Variants in TRIM64B observed in about 807,000 individuals in gnomAD.
TRIM64B encodes the protein tripartite motif-containing protein 64B.
For missense variants in TRIM64B, 57 were observed against 536.4 expected (o/e 0.11, Z 8.83); for synonymous variants, 17 against 190.3 (o/e 0.09, Z 7.50).
intron 1 of TRIM64B, among the ~76,000 whole-genome samples, chr11:89,875,336 A>T (rs1950151947): frequency 6.6e-6 from 1 of 152,298 alleles, no homozygotes; most frequent in Admixed American, 6.5e-5. Context: ...GACTTTGAAA[A>T]GTGTTCTTGG....
upstream of TRIM64B, among the ~76,000 whole-genome samples, chr11:89,878,251 A>G: frequency 7.6e-6 from 1 of 131,784 alleles, no homozygotes; most frequent in Non-Finnish European, 1.6e-5. Context: ...GATTTTCTGT[A>G]AAATCACTAA....
At chr11:89,877,732 G>A (rs1216453965), upstream of TRIM64B, among the ~76,000 whole-genome samples, 1 of 149,212 alleles carries the variant, frequency 6.7e-6, no homozygotes, top group African/African-American at 2.4e-5. Context: ...CAATTCTCCT[G>A]CCGCAGCCTC....
At chr11:89,874,397 G>A (rs1156552285) in intron 2 of TRIM64B, 118 bp from the exon 4 acceptor site, 1 of 538,242 alleles carries the variant, frequency 1.9e-6, no homozygotes, top group Non-Finnish European at 3.0e-6. Context: ...CTCTTGCAAG[G>A]AGTCTTGAAT....
chr11:89,874,022 C>T, intron 3 of TRIM64B, 27 bp downstream of exon 4: 2 of 1,548,782 alleles, frequency 1.3e-6, no homozygotes, highest in African/African-American at 1.4e-5. Flanking sequence ...GGCTTCCTGT[C>T]TCTGAGGATG....
At chr11:89,870,869 C>A (rs201775005) in exon 6 of TRIM64B, 1 of 1,551,220 alleles carries the variant, frequency 6.4e-7, no homozygotes, top group Non-Finnish European at 8.7e-7. Context: ...GAATCAATAA[C>A]GAAATTGGCA....
At chr11:89,872,849 G>A (rs866070274) in intron 4 of TRIM64B, among the ~76,000 whole-genome samples, 55 of 151,768 alleles carry the variant, frequency 3.6e-4, no homozygotes, top group African/African-American at 5.4e-4. Context: ...GAGCAGGCCC[G>A]GGTCATTGAT....
intron 4 of TRIM64B, among the ~76,000 whole-genome samples, chr11:89,872,811 C>T (rs1346254502): frequency 6.6e-6 from 1 of 151,720 alleles, no homozygotes; most frequent in Non-Finnish European, 1.5e-5. Flanking sequence ...TCCCTGAGGT[C>T]TTTCCTAGAA....
chr11:89,872,648 C>A (rs1430767319), intron 4 of TRIM64B, among the ~76,000 whole-genome samples: 1 of 151,834 alleles, frequency 6.6e-6, no homozygotes, highest in East Asian at 1.9e-4. Context: ...CAGACAAAAA[C>A]CTTTGGGACC....
At chr11:89,877,869 G>A (rs1335083421), upstream of TRIM64B, among the ~76,000 whole-genome samples, 4 of 149,344 alleles carry the variant, frequency 2.7e-5, no homozygotes, top group Admixed American at 1.3e-4. Context: ...CGATCTGCCT[G>A]CCTTGGCCTC....
At chr11:89,872,667 C>A (rs1340608920) in intron 4 of TRIM64B, among the ~76,000 whole-genome samples, 1 of 151,830 alleles carries the variant, frequency 6.6e-6, no homozygotes, top group Non-Finnish European at 1.5e-5. Flanking sequence ...CCTCAGCCTG[C>A]AGTTGTCACT....
chr11:89,876,520 A>G (rs1470641650), upstream of TRIM64B, among the ~76,000 whole-genome samples: 1 of 149,536 alleles, frequency 6.7e-6, no homozygotes, highest in Non-Finnish European at 1.5e-5. Context: ...CAGGAGATCG[A>G]GACCATCCTG....
At chr11:89,872,497 T>G (rs1370179646) in intron 4 of TRIM64B, among the ~76,000 whole-genome samples, 185 bp from the exon 6 acceptor site, 1 of 151,424 alleles carries the variant, frequency 6.6e-6, no homozygotes, top group East Asian at 1.9e-4. Flanking sequence ...TTTGCTTCCA[T>G]AAAAACCCAA....
upstream of TRIM64B, among the ~76,000 whole-genome samples, chr11:89,876,233 G>A (rs1233515197): frequency 5.1e-5 from 7 of 136,552 alleles, no homozygotes; most frequent in Non-Finnish European, 1.1e-4. Flanking sequence ...TCGAAGATTC[G>A]GTCAAGGACT....
At chr11:89,877,784 T>C (rs1247667884), upstream of TRIM64B, among the ~76,000 whole-genome samples, 2 of 149,424 alleles carry the variant, frequency 1.3e-5, no homozygotes, top group Non-Finnish European at 3.0e-5. Flanking sequence ...CACGCCAGGA[T>C]GATTTTTTTG....
At chr11:89,876,514 A>C (rs1259351440), upstream of TRIM64B, among the ~76,000 whole-genome samples, 2 of 149,522 alleles carry the variant, frequency 1.3e-5, no homozygotes, top group Non-Finnish European at 3.0e-5. Flanking sequence ...CGAGGTCAGG[A>C]GATCGAGACC....
chr11:89,875,200 T>C, intron 1 of TRIM64B, 127 bp from the exon 3 acceptor site: 1 of 860,310 alleles, frequency 1.2e-6, no homozygotes, highest in South Asian at 1.7e-5. Flanking sequence ...GTCAGATTTT[T>C]CCAAGTTAAA....
chr11:89,872,674 C>T lies in TRIM64B; in HGVS notation c.759-362G>A, dbSNP rs563207895. Reference sequence around the variant, plus strand: ...CTTTGGGACCTCAGCCTGCAGTTGTCACTAATGCTAGTCAGTGTCTAACAG... The same window carrying T: ...CTTTGGGACCTCAGCCTGCAGTTGTTACTAATGCTAGTCAGTGTCTAACAG... On this transcript the variant is annotated intron_variant, in intron 4 of 5. Transcript: ENST00000329862. 1.3e-4 allele frequency among the ~76,000 whole-genome samples: 19 copies of T among 151,946 alleles called. No individual in the cohort carries two copies. In the South Asian group the frequency reaches 3.9e-3, roughly 31 times the overall value.
chr11:89,871,096 G>C (rs200143665), exon 6 of TRIM64B: 88,731 of 1,518,120 alleles, frequency 0.058, 1,787 homozygotes, highest in South Asian at 0.16. Context: ...AATCATTTCC[G>C]TGCTCAGAGC....
rs34678191 is a variant in TRIM64B, at chr11:89,872,922, CTTT to C, written c.758+343_758+345del. On this transcript the variant is annotated intron_variant, in intron 4 of 5. Coordinates refer to ENST00000329862, the Ensembl canonical transcript of TRIM64B. Reference sequence around the variant, plus strand: ...TAGGGAATCTCTCTCCTCCCTCTGTCTTTTTTTTTTTTTTTTTTTTAACCTCCC... The same window carrying C: ...TAGGGAATCTCTCTCCTCCCTCTGTCTTTTTTTTTTTTTTTTTAACCTCCC... Among the ~76,000 whole-genome samples, 1,134 of 135,816 alleles carry C rather than the reference CTTT, an allele frequency of 8.3e-3. 21 individuals carry two copies. Among genetic ancestry groups the C allele is most frequent in the African/African-American group, 0.027 (981 of 36,394 alleles). The allele number at this position is 135,816 out of a possible 152,430, so 89.1% of individuals were successfully genotyped here. A position where few individuals can be genotyped will look rare whatever the true frequency, so the allele number is the denominator to read the frequency against.
Sources: gnomAD v4.1 joint callset for allele counts (sites outside exome capture counted in the v4.1 genomes callset) on GRCh38, gnomAD v4.1.1 for gene constraint, MANE v1.5 for transcripts, NCBI Gene and HGNC (gene_info 2026-07-23, HGNC 2026-07-21) for gene names.